The following DGAT2 variants were observed in gnomAD, a reference collection of about 807,000 sequenced individuals.
DGAT2 encodes acyl-CoA retinol O-fatty-acyltransferase.
DGAT2 carries 33 observed loss-of-function variants against 48.4 expected under a neutral mutation model. The ratio of observed to expected loss-of-function variants is 0.68; its 90% CI spans 0.52 to 0.91. The LOEUF is 0.91. DGAT2 is among the 40% of genes least tolerant of loss of function. DGAT2 has a pLI of 0.00. For missense variants in DGAT2, 446 were observed against 493.7 expected, an observed-to-expected ratio of 0.90 and a Z score of 0.92; for synonymous variants, 191 against 194.1, an observed-to-expected ratio of 0.98 and a Z score of 0.13.
intron 2 of DGAT2, 50 bp downstream of exon 2, chr11:75,784,796 C>T (rs2135768568): frequency 1.2e-6 from 2 of 1,611,192 alleles, no homozygotes; most frequent in Non-Finnish European, 1.7e-6. Context: ...TGTCCACTTC[C>T]CCAAAAGAGG....
Position 75,800,778 on chromosome 11 carries a change from CA to C in DGAT2, c.*273del. On this transcript the variant is annotated 3_prime_UTR_variant, in exon 8 of 8. Coordinates refer to ENST00000228027, the MANE Select transcript of DGAT2 (RefSeq NM_032564.5). ...CTCTCTTCTTCCCTTCCTGAAGTGACAAAGGAAACTCAGTCTTCTTGGGGAA... is the reference window on the plus strand; with the variant it reads ...CTCTCTTCTTCCCTTCCTGAAGTGACAAGGAAACTCAGTCTTCTTGGGGAA... 1 of 387,632 alleles carries C rather than the reference CA, an allele frequency of 2.6e-6. No homozygotes were observed. The highest frequency in any genetic ancestry group is 4.7e-6 in the Non-Finnish European group (1 of 212,930). The allele number at this position is 387,632 out of a possible 1,614,324, so 24.0% of individuals were successfully genotyped here.
intron 1 of DGAT2, 126 bp downstream of exon 1, chr11:75,769,238 A>C: frequency 1.7e-6 from 2 of 1,199,744 alleles, no homozygotes; most frequent in Non-Finnish European, 2.2e-6. Context: ...AATTTTTACG[A>C]CCTCTGTTAC....
intron 1 of DGAT2, among the ~76,000 whole-genome samples, chr11:75,775,511 G>A (rs992272654): frequency 5.9e-5 from 9 of 152,194 alleles, no homozygotes; most frequent in African/African-American, 1.4e-4. Context: ...GGCGTTTTGG[G>A]ACCAGTTCTA....
intron 7 of DGAT2, among the ~76,000 whole-genome samples, chr11:75,798,696 A>G (rs1259666645): frequency 6.6e-6 from 1 of 152,206 alleles, no homozygotes; most frequent in Non-Finnish European, 1.5e-5. Flanking sequence ...CCACTAGTCT[A>G]TCAGGGAAGA....
At chr11:75,769,441 C>T (rs1000953766) in intron 1 of DGAT2, among the ~76,000 whole-genome samples, 4 of 152,192 alleles carry the variant, frequency 2.6e-5, no homozygotes, top group African/African-American at 9.6e-5. Context: ...ACTGGATGGG[C>T]AGGATGGTAT....
chr11:75,778,187 T>TC lies in DGAT2; in HGVS notation c.122-6430dup, dbSNP rs564452654. ...TATTCTCAGCTTCTATTTCAGGCAG[T>TC]CACTCACCCCCCTTTCTGGGTTCTT... On this transcript the variant is annotated intron_variant, in intron 1 of 7. Transcript: ENST00000228027. Among the ~76,000 whole-genome samples the TC allele has an allele frequency of 3.0e-3, 449 of 151,762 alleles. 7 individuals carry two copies. Among genetic ancestry groups the TC allele is most frequent in the Non-Finnish European group, 9.9e-4 (67 of 67,858 alleles).
chr11:75,792,171 A>G (rs144807325), intron 4 of DGAT2: 1 of 152,244 alleles, frequency 6.6e-6, no homozygotes, highest in Non-Finnish European at 1.5e-5. Context: ...GTCCTTTGCT[A>G]TCTGATCTCC....
At chr11:75,779,968 C>T (rs1034424573) in intron 1 of DGAT2, among the ~76,000 whole-genome samples, 5 of 152,228 alleles carry the variant, frequency 3.3e-5, no homozygotes, top group African/African-American at 1.2e-4. Flanking sequence ...TGCAGTAAAC[C>T]TCTATGAGCC....
At chr11:75,800,120 T>TG (rs1452400637) in intron 7 of DGAT2, among the ~76,000 whole-genome samples, 22 of 152,204 alleles carry the variant, frequency 1.4e-4, no homozygotes, top group African/African-American at 5.1e-4. Flanking sequence ...CAACCAGTCT[T>TG]GATCCCATCT....
In DGAT2 at chr11:75,768,850, A is replaced by G. The variant is rs1832663652; in HGVS notation, c.-142A>G. On this transcript the variant is annotated 5_prime_UTR_variant, in exon 1 of 8. Transcript: ENST00000228027. ...ACCACTGGCCGCCGGCCGCAGCTCC[A>G]GGTGTCCTAGCCGCCCAGCCTCGAC... The G allele has an allele frequency of 2.7e-6, 3 of 1,101,922 alleles. No homozygotes were observed. The highest frequency in any genetic ancestry group is 5.1e-5 in the South Asian group (2 of 39,338). 68.3% of individuals were successfully genotyped at this position (1,101,922 alleles called of 1,614,324 possible). A position where few individuals can be genotyped will look rare whatever the true frequency, so the allele number is the denominator to read the frequency against.
chr11:75,798,275 G>A lies in DGAT2; in HGVS notation c.858G>A (p.Lys286=). ...IYSFGENEVY[K]QVIFEEGSWG... ...CCTTTGGAGAGAATGAAGTGTACAAGCAGGTGATCTTCGAGGAGGGCTCCT... is the reference window on the plus strand; with the variant it reads ...CCTTTGGAGAGAATGAAGTGTACAAACAGGTGATCTTCGAGGAGGGCTCCT... The change falls in exon 7 of 8, where the codon AAG becomes AAA. Residue 286 remains lysine (K), a synonymous_variant. Transcript: ENST00000228027. 8 of 1,614,206 alleles carry A rather than the reference G, an allele frequency of 5.0e-6. No homozygotes were observed. The highest frequency in any genetic ancestry group is 6.8e-6 in the Non-Finnish European group (8 of 1,180,034).
chr11:75,793,498 G>A (rs573719323), intron 4 of DGAT2: 1 of 152,360 alleles, frequency 6.6e-6, no homozygotes, highest in South Asian at 2.1e-4. Context: ...GCCTGCTCCA[G>A]ATGTGCAGGA....
chr11:75,799,516 G>T (rs1379509714), intron 7 of DGAT2, among the ~76,000 whole-genome samples: 1 of 152,122 alleles, frequency 6.6e-6, no homozygotes, highest in Non-Finnish European at 1.5e-5. Flanking sequence ...GGAATGGATT[G>T]GGTATGGAGA....
At chr11:75,790,358 C>A in intron 3 of DGAT2, 63 bp downstream of exon 3, 3 of 1,344,076 alleles carry the variant, frequency 2.2e-6, no homozygotes, top group South Asian at 1.2e-5. Context: ...CCTGCACAAG[C>A]TGAAGGGCCT....
chr11:75,777,174 C>G (rs868487662), intron 1 of DGAT2, among the ~76,000 whole-genome samples: 1 of 145,936 alleles, frequency 6.9e-6, no homozygotes, highest in African/African-American at 2.6e-5. Flanking sequence ...GCCCAAGAGG[C>G]TGTTCACACC....
chr11:75,793,222 T>A (rs2135776813), intron 4 of DGAT2: 1 of 152,360 alleles, frequency 6.6e-6, no homozygotes, highest in African/African-American at 2.4e-5. Flanking sequence ...TCATTGGCGG[T>A]ATCCTTCCCC....
At chr11:75,771,089 A>G (rs1047358228) in intron 1 of DGAT2, among the ~76,000 whole-genome samples, 9 of 152,096 alleles carry the variant, frequency 5.9e-5, no homozygotes, top group African/African-American at 1.9e-4. Context: ...TCAAGTAGAG[A>G]CCATGGATTC....
At chr11:75,778,459 A>C (rs1242727434) in intron 1 of DGAT2, among the ~76,000 whole-genome samples, 1 of 151,740 alleles carries the variant, frequency 6.6e-6, no homozygotes, top group Non-Finnish European at 1.5e-5. Flanking sequence ...ACTCCTTCCC[A>C]CTCTGGAGAT....
chr11:75,798,542 C>A, intron 7 of DGAT2, 113 bp downstream of exon 7: 1 of 1,216,112 alleles, frequency 8.2e-7, no homozygotes. Flanking sequence ...TGGCCATGCC[C>A]TTAGCCATGA....
Sources: gnomAD v4.1 joint callset for allele counts (sites outside exome capture counted in the v4.1 genomes callset) on GRCh38, gnomAD v4.1.1 for gene constraint, MANE v1.5 for transcripts, NCBI Gene and HGNC (gene_info 2026-07-23, HGNC 2026-07-21) for gene names.